PCDHGA5: variants seen among roughly 807,000 people sequenced by gnomAD.
PCDHGA5 encodes the protein protocadherin gamma-A5.
A neutral mutation model predicts 56.7 loss-of-function variants in PCDHGA5; 36 were observed. That is an observed-to-expected ratio of 0.64 (90% confidence interval 0.49 to 0.84). The LOEUF is 0.84. PCDHGA5 is among the 40% of genes least tolerant of loss of function. PCDHGA5 has a pLI of 0.00. For missense variants in PCDHGA5, 1,305 were observed against 1,201.5 expected (o/e 1.09, Z -1.27); for synonymous variants, 563 against 520.2 (o/e 1.08, Z -1.12).
At chr5:141,394,285 T>C (rs1463926417) in intron 1 of PCDHGA5, 2 of 1,613,942 alleles carry the variant, frequency 1.2e-6, no homozygotes, top group Admixed American at 1.7e-5. Context: ...ACTTACTCTG[T>C]GACCGAGGAC....
At position 141,410,301 on chromosome 5, in the gene PCDHGA5, C is replaced by A. The variant is rs1294760427; in HGVS notation, c.2421+43550C>A. ...CTGGTGGTGGCCTTGGCCTTAATCT[C>A]AGTGCTCTTCCTCCTCGCCGTGATT... On this transcript the variant is annotated intron_variant, in intron 1 of 3. Transcript: ENST00000518069. 2.5e-6 allele frequency: 4 copies of A among 1,614,030 alleles called. No individual in the cohort carries two copies. In the Admixed American group the frequency reaches 6.7e-5, roughly 27 times the overall value.
intron 1 of PCDHGA5, chr5:141,433,315 TCCGGTGTAACAGGGACTA>T: frequency 1.2e-6 from 1 of 856,086 alleles, no homozygotes; most frequent in Non-Finnish European, 1.8e-6. Flanking sequence ...CACCTTTGCC[TCCGGTGTAACAGGGACTA>T]CAGGTGCAAG....
intron 1 of PCDHGA5, chr5:141,418,451 A>AG (rs2096259161): frequency 3.1e-6 from 5 of 1,614,046 alleles, no homozygotes; most frequent in Non-Finnish European, 4.2e-6. Context: ...AGTATTGCAG[A>AG]AGACTCTGGA....
At position 141,432,379 on chromosome 5, in the gene PCDHGA5, G is replaced by A; in HGVS notation, c.2422-62428G>A. On this transcript the variant is annotated intron_variant, in intron 1 of 3. Transcript: ENST00000518069. The surrounding 1 kb of genome is among the most constrained non-coding windows in gnomAD (Gnocchi z 6.0). ...TGATGGCGCGGGACAACGGGCACCC[G>A]CCCCTCAGCAGCAACGTGTCGTTGA... 1.2e-6 allele frequency: 2 copies of A among 1,614,208 alleles called. No homozygotes were observed. The highest frequency in any genetic ancestry group is 1.7e-6 in the Non-Finnish European group (2 of 1,180,038).
Position 141,491,944 on chromosome 5 carries a change from C to T in PCDHGA5, c.2422-2863C>T, listed in dbSNP as rs1245968796. ...CGAGGGGAGGTGGGACCGACCCCCACCCCTACACTCAAAAAAGGCCGGGGC... is the reference window on the plus strand; with the variant it reads ...CGAGGGGAGGTGGGACCGACCCCCATCCCTACACTCAAAAAAGGCCGGGGC... On this transcript the variant is annotated intron_variant, in intron 1 of 3. Transcript: ENST00000518069. This position sits in a 1 kb window ranked among gnomAD's most constrained non-coding sequence, Gnocchi z 6.9. The T allele has an allele frequency of 1.8e-6, 2 of 1,120,156 alleles. No individual in the cohort carries two copies. Among genetic ancestry groups the T allele is most frequent in the Non-Finnish European group, 2.4e-6 (2 of 822,072 alleles). The allele number at this position is 1,120,156 out of a possible 1,614,324, so 69.4% of individuals were successfully genotyped here. A position where few individuals can be genotyped will look rare whatever the true frequency, so the allele number is the denominator to read the frequency against.
chr5:141,499,551 A>T (rs1178321389), intron 2 of PCDHGA5, among the ~76,000 whole-genome samples: 1 of 152,200 alleles, frequency 6.6e-6, no homozygotes, highest in Non-Finnish European at 1.5e-5. Flanking sequence ...AACCTGTATG[A>T]TACCACTATC....
At position 141,491,381 on chromosome 5, in the gene PCDHGA5, C is replaced by CT. The variant is rs1554177905; in HGVS notation, c.2422-3426_2422-3425insT. The CT allele has an allele frequency of 2.8e-5, 45 of 1,614,068 alleles. No individual in the cohort carries two copies. Among genetic ancestry groups the CT allele is most frequent in the Non-Finnish European group, 3.5e-5 (41 of 1,179,950 alleles). On this transcript the variant is annotated intron_variant, in intron 1 of 3. Coordinates refer to ENST00000518069, the MANE Select transcript of PCDHGA5 (RefSeq NM_018918.3). This position sits in a 1 kb window ranked among gnomAD's most constrained non-coding sequence, Gnocchi z 6.9. ...CTAGTCACCTTCACCTTTCTGTCAG[C>CT]GAAGTGCCTTCAGGGAAACGCAGAC...
intron 1 of PCDHGA5, chr5:141,433,165 C>T: frequency 2.5e-6 from 4 of 1,613,470 alleles, no homozygotes; most frequent in Non-Finnish European, 2.5e-6. Context: ...TTTCTAAAGA[C>T]AGTCATGGGT....
rs1414514905 is a variant in PCDHGA5, at chr5:141,366,679, G to C, written c.2349G>C (p.Glu783Asp). The C allele has an allele frequency of 1.2e-6, 2 of 1,614,156 alleles. No homozygotes were observed. The highest frequency in any genetic ancestry group is 1.7e-6 in the Non-Finnish European group (2 of 1,180,056). The change falls in exon 1 of 4, where the codon GAG becomes GAC. Residue 783 changes from glutamate (E) to aspartate (D), a missense_variant. Transcript: ENST00000518069. ...ACGCAGACACGCTCCTTAGTGAAGA[G>C]AGCTGTGAGAAAAGCGAGCCTCTTC... ...PNYADTLLSE[E>D]SCEKSEPLLM...
intron 1 of PCDHGA5, chr5:141,404,993 C>G (rs1159647700): frequency 6.2e-7 from 1 of 1,613,850 alleles, no homozygotes; most frequent in Non-Finnish European, 8.5e-7. Flanking sequence ...TCTTCAGATC[C>G]CTGCAGACCT....
chr5:141,380,299 C>G (rs1776363020), intron 1 of PCDHGA5, among the ~76,000 whole-genome samples: 2 of 152,210 alleles, frequency 1.3e-5, no homozygotes, highest in Middle Eastern at 3.4e-3. Flanking sequence ...ATACCTATAT[C>G]TTTGCTTGAG....
rs3074541 is a variant in PCDHGA5 at position 141,433,358 on chromosome 5, CCTATCTATCTATCTATCTATCTAT to C, written c.2422-61424_2422-61401del. 6 of 503,934 alleles carry C rather than the reference CCTATCTATCTATCTATCTATCTAT, an allele frequency of 1.2e-5. No homozygotes were observed. In the Admixed American group the frequency reaches 1.5e-4, roughly 12 times the overall value. The allele number at this position is 503,934 out of a possible 1,614,324, so 31.2% of individuals were successfully genotyped here. ...ACAGGTGCAAGCCACCTACTGTCTG[CCTATCTATCTATCTATCTATCTAT>C]CTATCTATCTATCTATCTATCTATT... On this transcript the variant is annotated intron_variant, in intron 1 of 3. Transcript: ENST00000518069.
chr5:141,384,576 G>C (rs757254740), intron 1 of PCDHGA5: 3 of 1,614,178 alleles, frequency 1.9e-6, no homozygotes, highest in Admixed American at 1.7e-5. Flanking sequence ...ATGACAACCC[G>C]CCCGAGATCC....
chr5:141,508,550 G>T (rs1440375100), intron 3 of PCDHGA5, among the ~76,000 whole-genome samples: 3 of 152,138 alleles, frequency 2.0e-5, no homozygotes, highest in Non-Finnish European at 1.5e-5. Flanking sequence ...GGTGGGCGGG[G>T]GATGGCTTTG....
intron 1 of PCDHGA5, among the ~76,000 whole-genome samples, chr5:141,452,300 T>C (rs886540131): frequency 2.0e-5 from 3 of 152,194 alleles, no homozygotes; most frequent in African/African-American, 7.2e-5. Flanking sequence ...TAAGAAAATA[T>C]TAGAGACTCA....
At chr5:141,375,038 G>T in intron 1 of PCDHGA5, 1 of 1,614,038 alleles carries the variant, frequency 6.2e-7, no homozygotes, top group Non-Finnish European at 8.5e-7. Context: ...TGAGCTGGGT[G>T]TTGAAGCCCG....
intron 1 of PCDHGA5, chr5:141,391,234 G>C (rs2092322160): frequency 6.6e-6 from 1 of 151,932 alleles, no homozygotes; most frequent in African/African-American, 2.4e-5. Context: ...CCTTTTGCTA[G>C]GTATATCTAA....
rs144796076 is a variant in PCDHGA5, at chr5:141,394,245, G to A, written c.2421+27494G>A. ...CTCCATCTTTTCCTTGACTGCACACGACCCCGACAGCCAGGAGAATGCCCA... is the reference window on the plus strand; with the variant it reads ...CTCCATCTTTTCCTTGACTGCACACAACCCCGACAGCCAGGAGAATGCCCA... On this transcript the variant is annotated intron_variant, in intron 1 of 3. Transcript: ENST00000518069. The A allele has an allele frequency of 2.5e-3, 4,038 of 1,613,812 alleles. 13 individuals carry two copies. The highest frequency in any genetic ancestry group is 6.1e-3 in the Middle Eastern group (37 of 6,062).
chr5:141,475,162 G>T (rs949339969), intron 1 of PCDHGA5, among the ~76,000 whole-genome samples: 2 of 152,034 alleles, frequency 1.3e-5, no homozygotes, highest in South Asian at 4.1e-4. Flanking sequence ...TTCTTCATTA[G>T]CAGTGCAACT....
Sources: allele counts gnomAD v4.1 joint callset (sites outside exome capture counted in the v4.1 genomes callset), GRCh38; gene constraint gnomAD v4.1.1; non-coding constraint Gnocchi (gnomAD v3.1); transcripts MANE v1.5; gene names NCBI Gene and HGNC (gene_info 2026-07-23, HGNC 2026-07-21).